HIPK4: variants seen among roughly 807,000 people sequenced by gnomAD.
HIPK4 encodes homeodomain interacting protein kinase 4.
Under a neutral mutation model 44.8 loss-of-function variants are expected in HIPK4, and 26 were observed. The observed-to-expected ratio is 0.58, with a 90% CI of 0.43 to 0.80. The LOEUF is 0.80. Among genes scored for constraint, HIPK4 ranks in the 30% least tolerant of loss-of-function variants. The pLI, the probability that HIPK4 is intolerant of heterozygous loss-of-function variation, is 0.00. For missense variants in HIPK4, 729 were observed against 862.6 expected (o/e 0.85, Z 1.94); for synonymous variants, 340 against 355.5 (o/e 0.96, Z 0.49).
At chr19:40,381,266 G>A in intron 2 of HIPK4, 98 bp from the exon 3 acceptor site, 1 of 990,916 alleles carries the variant, frequency 1.0e-6, no homozygotes, top group Non-Finnish European at 1.5e-6. Context: ...CCGACTTCCA[G>A]GTCTGCCCAT....
At position 40,383,995 on chromosome 19, in the gene HIPK4, C is replaced by T. The variant is rs757043623; in HGVS notation, c.610G>A (p.Val204Ile). 68 of 1,614,052 alleles carry T rather than the reference C, an allele frequency of 4.2e-5. No homozygotes were observed. Among genetic ancestry groups the T allele is most frequent in the Non-Finnish European group, 5.5e-5 (65 of 1,180,006 alleles). The change falls in exon 2 of 4, where the codon GTC (valine) becomes ATC (isoleucine). Residue 204 changes from valine to isoleucine, a missense_variant. Physicochemically the swap from Val to Ile is conservative, Grantham distance 29. This residue lies in a region of HIPK4 where 196 missense variants were observed against 295.1 expected (regional missense o/e 0.66). Coordinates refer to ENST00000291823, the MANE Select transcript of HIPK4 (RefSeq NM_144685.5). Reference protein sequence around the residue: ...EKVDVWSLGCVMAELHLGWPL... With the variant: ...EKVDVWSLGCIMAELHLGWPL... The stretch of plus-strand genomic sequence containing the variant: ...CAGCCCAGGTGCAGCTCAGCCATGA[C>T]GCAGCCCAGGGACCACACGTCCACC...
In HIPK4 at chr19:40,380,849, G is replaced by A. The variant is rs55760165; in HGVS notation, c.1142C>T (p.Thr381Met). The change falls in exon 3 of 4, where the codon ACG becomes ATG. Residue 381 changes from threonine to methionine, a missense_variant. This residue lies in a region of HIPK4 where 533 missense variants were observed against 567.5 expected (regional missense o/e 0.94). Transcript: ENST00000291823. The surrounding 1 kb of genome is among the most constrained non-coding windows in gnomAD (Gnocchi z 4.2). ...CCCATCTTCTGCGGCCACGACGGGC[G>A]TGGGGGGCTTCCCCTCCACTTGCAG... ...LSLQVEGKPP[T>M]PVVAAEDGTP... The A allele has an allele frequency of 5.7e-4, 923 of 1,609,280 alleles. 7 individuals are homozygous for A. In the East Asian group the frequency reaches 0.013, roughly 22 times the overall value.
chr19:40,383,751 CACTG>C, intron 2 of HIPK4, 28 bp downstream of exon 2: 1 of 1,547,456 alleles, frequency 6.5e-7, no homozygotes, highest in Non-Finnish European at 8.8e-7. Context: ...ACAGCCCCCA[CACTG>C]ACTGCCCTCA....
rs192823203 is a variant in HIPK4, at chr19:40,380,876, G to A, written c.1115C>T (p.Ser372Leu). The change falls in exon 3 of 4, where the codon TCG (serine) becomes TTG (leucine). Residue 372 changes from serine to leucine, a missense_variant. By Grantham distance (145) the Ser-to-Leu change is moderately radical (BLOSUM62 -2). This residue lies in a region of HIPK4 where 533 missense variants were observed against 567.5 expected (regional missense o/e 0.94). Transcript: ENST00000291823. This position sits in a 1 kb window ranked among gnomAD's most constrained non-coding sequence, Gnocchi z 4.2. ...GGGGGGCTTCCCCTCCACTTGCAGC[G>A]AGAGGCGGTAGCTGCGCAGCGAGAG... ...YQLSLRSYRL[S>L]LQVEGKPPTP... is the part of the protein sequence containing the mutation. 4.3e-4 allele frequency: 687 copies of A among 1,607,948 alleles called. 4 individuals carry two copies. The East Asian group carries it at 0.014, about 32-fold the overall frequency.
rs776981523 is a variant in HIPK4, at chr19:40,380,297, T to A, written c.1668+26A>T. 6.2e-7 allele frequency: 1 copy of A among 1,605,474 alleles called. No homozygotes were observed. The highest frequency in any genetic ancestry group is 1.7e-5 in the Admixed American group (1 of 59,762). On this transcript the variant is annotated intron_variant, in intron 3 of 3. Coordinates refer to ENST00000291823, the MANE Select transcript of HIPK4 (RefSeq NM_144685.5). The surrounding 1 kb of genome is among the most constrained non-coding windows in gnomAD (Gnocchi z 4.2). The stretch of plus-strand genomic sequence containing the variant: ...TGTGCTGAGCCTCCTCCCACCCTAA[T>A]CGTATCCTGAACGCACCCGGCTCAC...
At position 40,384,026 on chromosome 19, in the gene HIPK4, G is replaced by T; in HGVS notation, c.579C>A (p.Cys193Ter). 6.2e-7 allele frequency: 1 copy of T among 1,614,036 alleles called. No individual in the cohort carries two copies. The highest frequency in any genetic ancestry group is 8.5e-7 in the Non-Finnish European group (1 of 1,179,920). The change falls in exon 2 of 4, where the codon TGC (cysteine) becomes TGA (stop). Residue 193 changes from cysteine to a stop codon, truncating the protein, a stop_gained. Coordinates refer to ENST00000291823, the MANE Select transcript of HIPK4 (RefSeq NM_144685.5). LOFTEE classifies it high-confidence loss of function. ...APEILLGLPF[C>*]EKVDVWSLGC... ...CCAGGGACCACACGTCCACCTTCTC[G>T]CAGAAGGGCAGCCCCAGCAGGATCT...
Position 40,389,011 on chromosome 19 carries a change from A to G in HIPK4, c.465+427T>C, listed in dbSNP as rs369083027. On this transcript the variant is annotated intron_variant, in intron 1 of 3. Coordinates refer to ENST00000291823, the MANE Select transcript of HIPK4 (RefSeq NM_144685.5). The surrounding 1 kb of genome is among the most constrained non-coding windows in gnomAD (Gnocchi z 4.6). ...AGCCTGGCCAACATGGCGAAACTCC[A>G]TCTCTACTAAAAATACAAAAATTAG... is the stretch of plus-strand genomic sequence containing the variant. 3.2e-3 allele frequency among the ~76,000 whole-genome samples: 493 copies of G among 151,990 alleles called. 2 individuals are homozygous for G. Among genetic ancestry groups the G allele is most frequent in the South Asian group, 0.02 (97 of 4,824 alleles).
At chr19:40,386,748 A>G (rs1312339200) in intron 1 of HIPK4, among the ~76,000 whole-genome samples, 1 of 152,238 alleles carries the variant, frequency 6.6e-6, no homozygotes, top group Non-Finnish European at 1.5e-5. Context: ...TGCCTAGAAC[A>G]GGGCTTGGCA....
rs773646336 is a variant in HIPK4, at chr19:40,389,880, G to A, written c.23C>T (p.Thr8Ile). Residue 8 changes from threonine to isoleucine, a missense_variant, in exon 1 of 4, where the codon ACT becomes ATT. Around this residue, in one of 2 missense-constraint regions of HIPK4, gnomAD observed 196 missense variants for 295.1 expected, o/e 0.66. Transcript: ENST00000291823. This position sits in a 1 kb window ranked among gnomAD's most constrained non-coding sequence, Gnocchi z 4.6. The part of the protein sequence containing the change: MSTIQSE[T>I]DCYDIIEVLG... ...GACCTCGATGATGTCGTAGCAGTCA[G>A]TCTCCGACTGGATGGTGGACATGGT... 3.7e-6 allele frequency: 6 copies of A among 1,609,276 alleles called. No individual in the cohort carries two copies. The East Asian group carries it at 8.9e-5, about 24-fold the overall frequency.
Position 40,380,309 on chromosome 19 carries a change from C to A in HIPK4, c.1668+14G>T, listed in dbSNP as rs373003304. The A allele has an allele frequency of 1.2e-6, 2 of 1,609,948 alleles. No individual in the cohort carries two copies. The highest frequency in any genetic ancestry group is 1.1e-5 in the South Asian group (1 of 90,894). Reference sequence around the variant, plus strand: ...CCTCCCACCCTAATCGTATCCTGAACGCACCCGGCTCACCTCAGCTTCCAT... The same window carrying A: ...CCTCCCACCCTAATCGTATCCTGAAAGCACCCGGCTCACCTCAGCTTCCAT... On this transcript the variant is annotated intron_variant, in intron 3 of 3. Coordinates refer to ENST00000291823, the MANE Select transcript of HIPK4 (RefSeq NM_144685.5). This position sits in a 1 kb window ranked among gnomAD's most constrained non-coding sequence, Gnocchi z 4.2.
At chr19:40,383,734 TCA>T in intron 2 of HIPK4, 47 bp downstream of exon 2, 5 of 1,448,364 alleles carry the variant, frequency 3.5e-6, no homozygotes, top group Admixed American at 2.1e-5. Flanking sequence ...GAATTTTTTT[TCA>T]TGTAACAGCC....
intron 2 of HIPK4, among the ~76,000 whole-genome samples, chr19:40,382,812 T>C (rs964196202): frequency 1.3e-5 from 2 of 151,268 alleles, no homozygotes; most frequent in Non-Finnish European, 1.5e-5. Flanking sequence ...CTTTGGGAGG[T>C]CGAGGTGGGT....
chr19:40,388,240 ACTC>A (rs976612810), intron 1 of HIPK4, among the ~76,000 whole-genome samples: 1 of 147,544 alleles, frequency 6.8e-6, no homozygotes, highest in African/African-American at 2.5e-5. Context: ...CTGGTCTTGA[ACTC>A]CTGACCTCAG....
At chr19:40,383,046 T>TA (rs1200393409) in intron 2 of HIPK4, among the ~76,000 whole-genome samples, 54 of 140,030 alleles carry the variant, frequency 3.9e-4, no homozygotes, top group African/African-American at 4.2e-4. Flanking sequence ...GACTCCGTCT[T>TA]AAAAAAAAAA....
chr19:40,385,282 G>A (rs1316294585), intron 1 of HIPK4, among the ~76,000 whole-genome samples: 1 of 152,146 alleles, frequency 6.6e-6, no homozygotes, highest in African/African-American at 2.4e-5. Context: ...CACATCCTGT[G>A]ACAAAAGCCA....
rs116502794 is a variant in HIPK4 at position 40,380,499 on chromosome 19, C to T, written c.1492G>A (p.Asp498Asn). 1,182 of 1,612,822 alleles carry T rather than the reference C, an allele frequency of 7.3e-4. 4 individuals carry two copies. The African/African-American group carries it at 0.013, about 18-fold the overall frequency. Residue 498 changes from aspartate to asparagine, a missense_variant, in exon 3 of 4, where the codon GAC becomes AAC. Physicochemically the swap from Asp to Asn is conservative, Grantham distance 23. Transcript: ENST00000291823. This position sits in a 1 kb window ranked among gnomAD's most constrained non-coding sequence, Gnocchi z 4.2. ...ARKPPAGSKSDSNFSNLIRLS... is the reference protein window; with the variant it reads ...ARKPPAGSKSNSNFSNLIRLS... ...CGAATGAGGTTGCTGAAGTTGGAGT[C>T]GGACTTGGAACCCGCAGGTGGCTTG...
chr19:40,386,920 T>A (rs1401964410), intron 1 of HIPK4, among the ~76,000 whole-genome samples: 1 of 151,920 alleles, frequency 6.6e-6, no homozygotes, highest in East Asian at 1.9e-4. Flanking sequence ...AGTGGCGCAA[T>A]CTCGGCTCAA....
At chr19:40,383,566 T>C (rs1426018452) in intron 2 of HIPK4, among the ~76,000 whole-genome samples, 3 of 151,988 alleles carry the variant, frequency 2.0e-5, no homozygotes, top group Non-Finnish European at 2.9e-5. Flanking sequence ...AATAGGCCCA[T>C]ACCACCGTGC....
rs1251398937 is a variant in HIPK4, at chr19:40,380,426, C to T, written c.1565G>A (p.Ser522Asn). 2 of 1,614,204 alleles carry T rather than the reference C, an allele frequency of 1.2e-6. No individual in the cohort carries two copies. Among genetic ancestry groups the T allele is most frequent in the Non-Finnish European group, 1.7e-6 (2 of 1,180,054 alleles). ...PEDDRPCRGS[S>N]WEEGEHLGAS... ...CCCGAGATGCTCTCCTTCCTCCCAG[C>T]TGCTGCCCCGGCAGGGCCTGTCATC... The change falls in exon 3 of 4, where the codon AGC becomes AAC. Residue 522 changes from serine (S) to asparagine (N), a missense_variant. Physicochemically the swap from Ser to Asn is conservative, Grantham distance 46. Transcript: ENST00000291823. The surrounding 1 kb of genome is among the most constrained non-coding windows in gnomAD (Gnocchi z 4.2).
Sources: gnomAD v4.1 joint callset for allele counts (sites outside exome capture counted in the v4.1 genomes callset) on GRCh38, gnomAD v4.1.1 for gene constraint, gnomAD v4.1.1 regional missense constraint, Gnocchi (gnomAD v3.1) non-coding constraint, MANE v1.5 for transcripts, NCBI Gene and HGNC (gene_info 2026-07-23, HGNC 2026-07-21) for gene names.